Variants in BICC1 observed in about 807,000 individuals in gnomAD.
The protein encoded by BICC1 is protein bicaudal C homolog 1.
A neutral mutation model predicts 111.0 loss-of-function variants in BICC1; 43 were observed. The observed-to-expected ratio is 0.39, with a 90% CI of 0.30 to 0.50. The LOEUF is 0.50. BICC1 is among the 20% of genes least tolerant of loss of function. The pLI, the probability that BICC1 is intolerant of heterozygous loss-of-function variation, is 0.88. For missense variants in BICC1, 1,091 were observed against 1,203.2 expected (o/e 0.91, Z 1.38); for synonymous variants, 467 against 434.4 (o/e 1.07, Z -0.93).
At chr10:58,538,365 A>G (rs1396535840) in intron 1 of BICC1, among the ~76,000 whole-genome samples, 1 of 151,844 alleles carries the variant, frequency 6.6e-6, no homozygotes, top group East Asian at 1.9e-4. Flanking sequence ...CAAAAACATA[A>G]ATTGGGGAAA....
intron 1 of BICC1, among the ~76,000 whole-genome samples, chr10:58,591,822 C>G (rs985622302): frequency 6.6e-6 from 1 of 152,226 alleles, no homozygotes; most frequent in African/African-American, 2.4e-5. Context: ...CATCCTTCCT[C>G]TACGGATGGT....
intron 2 of BICC1, among the ~76,000 whole-genome samples, chr10:58,667,939 A>G (rs961016190): frequency 6.6e-5 from 10 of 152,126 alleles, no homozygotes; most frequent in Admixed American, 5.9e-4. Flanking sequence ...GGTAAAGCAC[A>G]TATTTATGAA....
chr10:58,623,249 A>T (rs1588941970), intron 2 of BICC1, among the ~76,000 whole-genome samples: 1 of 152,366 alleles, frequency 6.6e-6, no homozygotes, highest in South Asian at 2.1e-4. Flanking sequence ...AATTAATTTT[A>T]AAAATCTTCC....
chr10:58,809,797 T>G (rs1408743278), intron 17 of BICC1, among the ~76,000 whole-genome samples: 2 of 152,182 alleles, frequency 1.3e-5, no homozygotes, highest in East Asian at 3.9e-4. Context: ...ACAATTTTAT[T>G]CAATCCCCAC....
Position 58,652,410 on chromosome 10 carries a change from C to T in BICC1, c.237+31509C>T, listed in dbSNP as rs59196503. Among the ~76,000 whole-genome samples the T allele has an allele frequency of 2.2e-3, 342 of 152,218 alleles. 1 individual carries two copies. The highest frequency in any genetic ancestry group is 7.9e-3 in the African/African-American group (329 of 41,538). On this transcript the variant is annotated intron_variant, in intron 2 of 20. Transcript: ENST00000373886. ...TAGACACAGTCTTTTGCTCGTAAATCTGAACATATAATAGTAATTTATAAT... is the reference window on the plus strand; with the variant it reads ...TAGACACAGTCTTTTGCTCGTAAATTTGAACATATAATAGTAATTTATAAT...
chr10:58,670,317 T>C (rs1030488539), intron 2 of BICC1, among the ~76,000 whole-genome samples: 17 of 152,136 alleles, frequency 1.1e-4, no homozygotes, highest in African/African-American at 3.9e-4. Context: ...TTGTTAAACA[T>C]TCATAAAGTA....
At chr10:58,665,541 G>T (rs1189838343) in intron 2 of BICC1, among the ~76,000 whole-genome samples, 1 of 152,032 alleles carries the variant, frequency 6.6e-6, no homozygotes, top group Non-Finnish European at 1.5e-5. Flanking sequence ...CTTTGTTCAT[G>T]AATTCTATCG....
At chr10:58,711,512 C>T (rs1564568785) in intron 3 of BICC1, among the ~76,000 whole-genome samples, 1 of 152,210 alleles carries the variant, frequency 6.6e-6, no homozygotes, top group Non-Finnish European at 1.5e-5. Context: ...CACTCACAGA[C>T]ATACAGCGCA....
intron 1 of BICC1, among the ~76,000 whole-genome samples, chr10:58,531,525 C>T (rs759029682): frequency 6.6e-6 from 1 of 151,674 alleles, no homozygotes; most frequent in East Asian, 1.9e-4. Flanking sequence ...ATATAAGGCA[C>T]ACAAACAGGG....
chr10:58,592,713 T>TG (rs1188446407), intron 1 of BICC1, among the ~76,000 whole-genome samples: 3 of 141,292 alleles, frequency 2.1e-5, no homozygotes, highest in Non-Finnish European at 4.6e-5. Flanking sequence ...AGACTCCGTG[T>TG]GAAAAAAAAA....
intron 2 of BICC1, among the ~76,000 whole-genome samples, chr10:58,635,927 T>TC (rs569903645): frequency 9.2e-4 from 140 of 152,376 alleles, no homozygotes; most frequent in Non-Finnish European, 1.2e-3. Flanking sequence ...TGATGACAGT[T>TC]CCCACTTCTT....
chr10:58,623,795 G>T (rs1845901214), intron 2 of BICC1, among the ~76,000 whole-genome samples: 2 of 152,112 alleles, frequency 1.3e-5, no homozygotes. Context: ...GTAACGCCCA[G>T]GCCTGAATGT....
chr10:58,729,181 C>T (rs1391763882), intron 3 of BICC1, among the ~76,000 whole-genome samples: 1 of 152,156 alleles, frequency 6.6e-6, no homozygotes, highest in African/African-American at 2.4e-5. Flanking sequence ...TTCTAGATGA[C>T]ACCTTTTTTT....
chr10:58,789,311 T>G lies in BICC1; in HGVS notation c.650T>G (p.Leu217Arg). Residue 217 changes from leucine (L) to arginine (R), a missense_variant, in exon 7 of 21, where the codon CTT (leucine) becomes CGT (arginine). Leu to Arg is a moderately radical substitution (Grantham distance 102, BLOSUM62 -2). Around this residue, in one of 3 missense-constraint regions of BICC1, gnomAD observed 843 missense variants for 900.8 expected, o/e 0.94. Transcript: ENST00000373886. ...TTTGAGCTACCAATTGCTGGAATTC[T>G]TCAACCGGTTCCTGATCCTAATTCC... ...LMFELPIAGI[L>R]QPVPDPNSPS... is the part of the protein sequence containing the mutation. 6.2e-7 allele frequency: 1 copy of G among 1,614,014 alleles called. No individual in the cohort carries two copies. The highest frequency in any genetic ancestry group is 1.7e-4 in the Middle Eastern group (1 of 6,060).
At chr10:58,814,437 G>C (rs1447435849) in intron 18 of BICC1, 1 of 334,012 alleles carries the variant, frequency 3.0e-6, no homozygotes, top group Non-Finnish European at 5.5e-6. Flanking sequence ...TGCATGAATG[G>C]GTAATGTACA....
chr10:58,812,708 C>G (rs1449099611), intron 17 of BICC1, among the ~76,000 whole-genome samples: 2 of 152,002 alleles, frequency 1.3e-5, no homozygotes, highest in Non-Finnish European at 2.9e-5. Flanking sequence ...AAACTCCTGA[C>G]CTCAGGTGAT....
At chr10:58,756,402 C>G (rs1193659908) in intron 3 of BICC1, among the ~76,000 whole-genome samples, 1 of 152,134 alleles carries the variant, frequency 6.6e-6, no homozygotes, top group Non-Finnish European at 1.5e-5. Flanking sequence ...GAGTCCCTGG[C>G]CTTTGCCTCC....
intron 3 of BICC1, among the ~76,000 whole-genome samples, chr10:58,723,548 A>G (rs957201019): frequency 2.0e-5 from 3 of 152,326 alleles, no homozygotes; most frequent in South Asian, 4.1e-4. Context: ...TGAGACGGGT[A>G]TGGCAGAAAG....
chr10:58,814,223 T>C, intron 18 of BICC1: 1 of 622,654 alleles, frequency 1.6e-6, no homozygotes, highest in East Asian at 2.7e-5. Flanking sequence ...AAAGGGCAAT[T>C]ATTTATCTAC....
Sources: allele counts gnomAD v4.1 joint callset (sites outside exome capture counted in the v4.1 genomes callset), GRCh38; gene constraint gnomAD v4.1.1; regional missense constraint gnomAD v4.1.1; transcripts MANE v1.5; gene names NCBI Gene and HGNC (gene_info 2026-07-23, HGNC 2026-07-21).